EXT2: variants seen among roughly 807,000 people sequenced by gnomAD.
EXT2 encodes exostosin glycosyltransferase 2.
In EXT2, 53 loss-of-function variants were observed where a neutral mutation model predicts 81.6. The ratio of observed to expected loss-of-function variants is 0.65; its 90% CI spans 0.52 to 0.82. The LOEUF (loss-of-function observed/expected upper bound fraction) is 0.82, where lower values mean the gene tolerates loss of function less well. EXT2 is among the 40% of genes least tolerant of loss of function. EXT2 has a pLI of 0.00. For missense variants in EXT2, 774 were observed against 910.2 expected (o/e 0.85, Z 1.93); for synonymous variants, 320 against 340.0 (o/e 0.94, Z 0.65).
intron 7 of EXT2, among the ~76,000 whole-genome samples, chr11:44,141,661 A>G (rs931290448): frequency 6.6e-6 from 1 of 152,228 alleles, no homozygotes; most frequent in Admixed American, 6.5e-5. Context: ...GTGGCGGGTA[A>G]AATGGTCACA....
At chr11:44,170,519 A>G (rs1315977372) in intron 7 of EXT2, among the ~76,000 whole-genome samples, 2 of 152,232 alleles carry the variant, frequency 1.3e-5, no homozygotes, top group East Asian at 1.9e-4. Flanking sequence ...AACAAAATCA[A>G]AAGTCGATTT....
chr11:44,200,731 G>A (rs1177105566), intron 9 of EXT2, among the ~76,000 whole-genome samples: 1 of 152,158 alleles, frequency 6.6e-6, no homozygotes, highest in Admixed American at 6.5e-5. Flanking sequence ...TGGGCTTAAG[G>A]TTTGTATGGA....
chr11:44,105,258 G>A (rs989010681), intron 1 of EXT2, among the ~76,000 whole-genome samples: 3 of 152,110 alleles, frequency 2.0e-5, no homozygotes, highest in East Asian at 3.8e-4. Context: ...TGGAAGATCC[G>A]TGAGTAGAAT....
intron 10 of EXT2, among the ~76,000 whole-genome samples, chr11:44,208,420 C>A (rs1236669520): frequency 3.9e-5 from 6 of 152,144 alleles, no homozygotes; most frequent in African/African-American, 1.2e-4. Context: ...TTTCTTTCAA[C>A]CCTGAGTTTG....
rs1956133155 is a variant in EXT2 at position 44,250,943 on chromosome 11, TG to T, written c.*6658del. On this transcript the variant is annotated 3_prime_UTR_variant, in exon 14 of 14. Coordinates refer to ENST00000533608, the MANE Select transcript of EXT2 (RefSeq NM_207122.2). ...GAGGTAATTAACGAAAATTGTACAT[TG>T]GTGGCAGCACCTCCTATAGGATTTC... Among the ~76,000 whole-genome samples, 1 of 152,238 alleles carries T rather than the reference TG, an allele frequency of 6.6e-6. No individual in the cohort carries two copies. The highest frequency in any genetic ancestry group is 6.5e-5 in the Admixed American group (1 of 15,280).
chr11:44,240,664 G>A (rs1375668694), intron 13 of EXT2, among the ~76,000 whole-genome samples: 1 of 152,190 alleles, frequency 6.6e-6, no homozygotes, highest in African/African-American at 2.4e-5. Flanking sequence ...TGTAAACTAT[G>A]CTTTTGAGAA....
intron 8 of EXT2, among the ~76,000 whole-genome samples, chr11:44,176,903 C>G (rs1333659882): frequency 2.1e-5 from 3 of 142,442 alleles, no homozygotes; most frequent in Non-Finnish European, 4.5e-5. Context: ...TGGCTAGATG[C>G]AGCTGCCTTA....
intron 13 of EXT2, among the ~76,000 whole-genome samples, chr11:44,241,922 C>T (rs920898282): frequency 2.0e-5 from 3 of 152,216 alleles, no homozygotes; most frequent in Non-Finnish European, 2.9e-5. Context: ...GGAGGCCTGC[C>T]GCTTCTCCAG....
intron 10 of EXT2, among the ~76,000 whole-genome samples, chr11:44,217,542 G>A (rs1955734226): frequency 6.6e-6 from 1 of 152,182 alleles, no homozygotes; most frequent in African/African-American, 2.4e-5. Flanking sequence ...GCTACCAGAT[G>A]TGGAAATTCT....
At chr11:44,106,469 G>A (rs779728228) in intron 1 of EXT2, among the ~76,000 whole-genome samples, 2 of 151,806 alleles carry the variant, frequency 1.3e-5, no homozygotes, top group Non-Finnish European at 2.9e-5. Context: ...ATATCCTTTT[G>A]TACTTAATCG....
chr11:44,243,400 G>C (rs766678951), intron 13 of EXT2, among the ~76,000 whole-genome samples: 1 of 152,150 alleles, frequency 6.6e-6, no homozygotes, highest in Non-Finnish European at 1.5e-5. Flanking sequence ...TCCTCTGGCG[G>C]TGCTGTGCTG....
intron 8 of EXT2, among the ~76,000 whole-genome samples, chr11:44,172,682 C>G (rs1201223348): frequency 6.6e-6 from 1 of 150,810 alleles, no homozygotes; most frequent in Non-Finnish European, 1.5e-5. Context: ...CTCCCAGGTT[C>G]AAGTGATTCT....
intron 4 of EXT2, among the ~76,000 whole-genome samples, chr11:44,118,891 T>C (rs1043325298): frequency 3.9e-5 from 6 of 151,980 alleles, no homozygotes; most frequent in African/African-American, 1.4e-4. Context: ...CTGCTGCTTC[T>C]GTGAGCATTT....
chr11:44,205,666 T>C (rs1010478228), intron 9 of EXT2, among the ~76,000 whole-genome samples: 1 of 152,224 alleles, frequency 6.6e-6, no homozygotes, highest in Non-Finnish European at 1.5e-5. Context: ...ACATTTTATC[T>C]GCAGTCAGTT....
chr11:44,203,377 C>T (rs1955543213), intron 9 of EXT2, among the ~76,000 whole-genome samples: 1 of 152,182 alleles, frequency 6.6e-6, no homozygotes, highest in African/African-American at 2.4e-5. Flanking sequence ...CCTTACTAAT[C>T]ACATCCACTG....
chr11:44,214,614 A>G (rs1955694870), intron 10 of EXT2, among the ~76,000 whole-genome samples: 1 of 152,052 alleles, frequency 6.6e-6, no homozygotes, highest in Non-Finnish European at 1.5e-5. Context: ...GTCATTCGTA[A>G]TATTCTCTTG....
At chr11:44,241,776 C>T (rs971813010) in intron 13 of EXT2, among the ~76,000 whole-genome samples, 3 of 152,212 alleles carry the variant, frequency 2.0e-5, no homozygotes, top group African/African-American at 7.2e-5. Flanking sequence ...CCCCTGACAA[C>T]AGCTCATGTG....
rs1327144114 is a variant in EXT2 at position 44,247,442 on chromosome 11, G to GA, written c.*3155_*3156insA. 4.6e-4 allele frequency among the ~76,000 whole-genome samples: 1 copy of GA among 2,152 alleles called. No homozygotes were observed. Among genetic ancestry groups the GA allele is most frequent in the Non-Finnish European group, 1.2e-3 (1 of 802 alleles). The allele number at this position is 2,152 out of a possible 152,430, so 1.4% of individuals were successfully genotyped here. On this transcript the variant is annotated 3_prime_UTR_variant, in exon 14 of 14. Transcript: ENST00000533608. ...TTTGTTTGTAATTTTAGTAGAGGCA[G>GA]GGTTTCACCACGTTAGCCAGGCTGG...
At chr11:44,231,683 T>C (rs1955900457) in intron 10 of EXT2, among the ~76,000 whole-genome samples, 1 of 152,198 alleles carries the variant, frequency 6.6e-6, no homozygotes, top group Non-Finnish European at 1.5e-5. Flanking sequence ...TATGGATCTT[T>C]TCAAGGTTAG....
Sources: allele counts gnomAD v4.1 joint callset (sites outside exome capture counted in the v4.1 genomes callset), GRCh38; gene constraint gnomAD v4.1.1; transcripts MANE v1.5; gene names NCBI Gene and HGNC (gene_info 2026-07-23, HGNC 2026-07-21).